SP2: variants seen among roughly 807,000 people sequenced by gnomAD.
The protein encoded by SP2 is transcription factor Sp2.
Under a neutral mutation model 50.1 loss-of-function variants are expected in SP2, and 9 were observed. The ratio of observed to expected loss-of-function variants is 0.18; its 90% CI spans 0.11 to 0.31. The LOEUF is 0.31. Among genes scored for constraint, SP2 ranks in the 10% least tolerant of loss-of-function variants. The pLI is 1.00. For synonymous variants in SP2, 313 were observed against 326.6 expected (o/e 0.96, Z 0.45); for missense variants, 581 against 806.5 (o/e 0.72, Z 3.39).
At position 47,920,258 on chromosome 17, in the gene SP2, G is replaced by A. The variant is rs1222135878; in HGVS notation, c.1060-2704G>A. Among the ~76,000 whole-genome samples, 3 of 151,512 alleles carry A rather than the reference G, an allele frequency of 2.0e-5. No individual in the cohort carries two copies. In the East Asian group the frequency reaches 5.8e-4, roughly 29 times the overall value. ...AGCCTCCCGAATAGCTGGGATTACAGATACCCGCCTCTGCGCCCTGCTAAT... is the reference window on the plus strand; with the variant it reads ...AGCCTCCCGAATAGCTGGGATTACAAATACCCGCCTCTGCGCCCTGCTAAT... On this transcript the variant is annotated intron_variant, in intron 3 of 6. Transcript: ENST00000376741.
intron 1 of SP2, among the ~76,000 whole-genome samples, chr17:47,902,766 G>GT (rs2034591648): frequency 1.3e-5 from 2 of 152,180 alleles, no homozygotes; most frequent in South Asian, 2.1e-4. Context: ...GTTTTGTTTT[G>GT]TTTTTTGAGA....
At chr17:47,927,579 C>CA in intron 6 of SP2, 145 bp from the exon 7 acceptor site, 1 of 509,834 alleles carries the variant, frequency 2.0e-6, no homozygotes, top group Non-Finnish European at 3.6e-6. Flanking sequence ...CACCAGTGAG[C>CA]AAATGTGAGA....
chr17:47,904,034 T>C (rs188165393), intron 1 of SP2, among the ~76,000 whole-genome samples: 1 of 149,962 alleles, frequency 6.7e-6, no homozygotes, highest in African/African-American at 2.5e-5. Context: ...AGGCTGAGAC[T>C]GGCGGATCAC....
chr17:47,915,802 C>T (rs1322806090), intron 2 of SP2, among the ~76,000 whole-genome samples: 1 of 152,240 alleles, frequency 6.6e-6, no homozygotes, highest in African/African-American at 2.4e-5. Flanking sequence ...CCCCTCAGTC[C>T]CTGGGGTGGG....
chr17:47,918,353 A>G (rs2035296569), intron 3 of SP2: 1 of 152,224 alleles, frequency 6.6e-6, no homozygotes, highest in Admixed American at 6.5e-5. Flanking sequence ...GTGAATTCCC[A>G]TGATCAGACC....
intron 6 of SP2, 88 bp downstream of exon 6, chr17:47,925,629 T>C: frequency 9.4e-7 from 1 of 1,060,270 alleles, no homozygotes; most frequent in Non-Finnish European, 1.4e-6. Context: ...TTTAGCAACA[T>C]TGACACTCCT....
At position 47,896,310 on chromosome 17, in the gene SP2, GC is replaced by G. The variant is rs780326815; in HGVS notation, c.7+19del. ...TAATGAGCGGTGGGTCCCGGCCGCT[GC>G]CGGCGGGGTCTTCCCGGCCCCCAAG... On this transcript the variant is annotated intron_variant, in intron 1 of 6. Transcript: ENST00000376741. The G allele has an allele frequency of 8.1e-7, 1 of 1,237,226 alleles. No homozygotes were observed. The highest frequency in any genetic ancestry group is 1.0e-6 in the Non-Finnish European group (1 of 987,896). The allele number at this position is 1,237,226 out of a possible 1,614,324, so 76.6% of individuals were successfully genotyped here.
At chr17:47,896,327 G>A in intron 1 of SP2, 34 bp downstream of exon 1, 1 of 1,234,798 alleles carries the variant, frequency 8.1e-7, no homozygotes, top group Non-Finnish European at 1.0e-6. Context: ...GGGTCTTCCC[G>A]GCCCCCAAGG....
chr17:47,910,310 A>G (rs527916557), intron 1 of SP2, among the ~76,000 whole-genome samples: 2 of 152,246 alleles, frequency 1.3e-5, no homozygotes, highest in Non-Finnish European at 2.9e-5. Context: ...GTCACATGTA[A>G]TAAGGGAGTT....
intron 1 of SP2, among the ~76,000 whole-genome samples, chr17:47,911,038 T>C (rs2034961593): frequency 6.6e-6 from 1 of 151,518 alleles, no homozygotes; most frequent in Non-Finnish European, 1.5e-5. Context: ...AAAGGCAGGG[T>C]AACATGGCGA....
chr17:47,927,953 C>G lies in SP2; in HGVS notation c.*129C>G, dbSNP rs2144107878. On this transcript the variant is annotated 3_prime_UTR_variant, in exon 7 of 7. Transcript: ENST00000376741. ...CCCCACTCCTGTTCTGCAACTGTCC[C>G]CACAGGAAGGGGCTCTGTTCCCTGT... 3 of 649,406 alleles carry G rather than the reference C, an allele frequency of 4.6e-6. No homozygotes were observed. The East Asian group carries it at 8.2e-5, about 18-fold the overall frequency. The allele number at this position is 649,406 out of a possible 1,614,324, so 40.2% of individuals were successfully genotyped here.
intron 3 of SP2, among the ~76,000 whole-genome samples, chr17:47,921,146 A>G (rs190848669): frequency 5.2e-4 from 79 of 152,276 alleles, no homozygotes; most frequent in African/African-American, 1.6e-3. Context: ...TTCTTCTCAG[A>G]TTCCTGGTTC....
chr17:47,915,993 A>G (rs914207128), intron 2 of SP2, among the ~76,000 whole-genome samples, 163 bp from the exon 3 acceptor site: 1 of 152,078 alleles, frequency 6.6e-6, no homozygotes, highest in South Asian at 2.1e-4. Flanking sequence ...ACCAGTAGAG[A>G]AGGGGAGACA....
chr17:47,927,422 A>G (rs1051551537), intron 6 of SP2, among the ~76,000 whole-genome samples: 12 of 150,596 alleles, frequency 8.0e-5, no homozygotes, highest in African/African-American at 2.4e-5. Flanking sequence ...AGTCCCAGCT[A>G]TTTGAGAGGC....
Position 47,924,240 on chromosome 17 carries a change from GTCC to G in SP2, c.1373-674_1373-672del, listed in dbSNP as rs1376488287. Among the ~76,000 whole-genome samples, 6 of 152,028 alleles carry G rather than the reference GTCC, an allele frequency of 3.9e-5. 1 individual carries two copies. The highest frequency in any genetic ancestry group is 1.2e-4 in the African/African-American group (5 of 41,400). ...AGCCTCAGCCTCCTGGGCTCAAGCA[GTCC>G]TCCTACTTCTTCTTCCTGAGTAGCT... On this transcript the variant is annotated intron_variant, in intron 4 of 6. Transcript: ENST00000376741.
chr17:47,901,860 C>G (rs957386789), intron 1 of SP2, among the ~76,000 whole-genome samples: 2 of 152,158 alleles, frequency 1.3e-5, no homozygotes, highest in African/African-American at 4.8e-5. Context: ...TTCACTTATT[C>G]AACAAATATA....
chr17:47,912,557 A>T (rs2035034693), intron 1 of SP2, among the ~76,000 whole-genome samples: 1 of 148,906 alleles, frequency 6.7e-6, no homozygotes, highest in African/African-American at 2.5e-5. Flanking sequence ...CGATCCTCCC[A>T]CCTCAGCCTT....
Position 47,919,825 on chromosome 17 carries a change from C to CTT in SP2, c.1059+2716_1059+2717dup, listed in dbSNP as rs141856390. On this transcript the variant is annotated intron_variant, in intron 3 of 6. Transcript: ENST00000376741. ...TTTGATCTGAAACACTTTGTCATTC[C>CTT]TTTTTTTTTTTTTTTTTTTTTTCTG... 8.3e-4 allele frequency among the ~76,000 whole-genome samples: 79 copies of CTT among 94,796 alleles called. 3 individuals are homozygous for CTT. Among genetic ancestry groups the CTT allele is most frequent in the Admixed American group, 1.5e-3 (10 of 6,896 alleles). 62.2% of individuals were successfully genotyped at this position (94,796 alleles called of 152,430 possible).
chr17:47,915,056 A>G (rs1470148592), intron 1 of SP2, among the ~76,000 whole-genome samples: 1 of 152,096 alleles, frequency 6.6e-6, no homozygotes, highest in Admixed American at 6.6e-5. Flanking sequence ...TCTACTAAAA[A>G]TACAAAAATT....
Sources: allele counts gnomAD v4.1 joint callset (sites outside exome capture counted in the v4.1 genomes callset), GRCh38; gene constraint gnomAD v4.1.1; transcripts MANE v1.5; gene names NCBI Gene and HGNC (gene_info 2026-07-23, HGNC 2026-07-21).